Variants in MCAM observed in about 807,000 individuals in gnomAD.
The protein encoded by MCAM is melanoma cell adhesion molecule.
A neutral mutation model predicts 79.1 loss-of-function variants in MCAM; 55 were observed. The observed-to-expected ratio is 0.70, with a 90% CI of 0.56 to 0.87. MCAM has a LOEUF of 0.87. MCAM is among the 40% of genes least tolerant of loss of function. The pLI is 0.00. For missense variants in MCAM, 745 were observed against 839.8 expected (o/e 0.89, Z 1.40); for synonymous variants, 330 against 339.8 (o/e 0.97, Z 0.32).
At position 119,312,996 on chromosome 11, in the gene MCAM, C is replaced by T; in HGVS notation, c.560-47G>A. ...GAAGACTCAGCCTCAGCCCCACCTC[C>T]AGCCCCACCCTAGGGTTGTCCACTG... On this transcript the variant is annotated intron_variant, in intron 5 of 15. Coordinates refer to ENST00000264036, the MANE Select transcript of MCAM (RefSeq NM_006500.3). The surrounding 1 kb of genome is among the most constrained non-coding windows in gnomAD (Gnocchi z 4.9). 6.2e-7 allele frequency: 1 copy of T among 1,612,030 alleles called. No homozygotes were observed. Among genetic ancestry groups the T allele is most frequent in the African/African-American group, 1.3e-5 (1 of 75,048 alleles).
Position 119,312,850 on chromosome 11 carries a change from T to G in MCAM, c.659A>C (p.Gln220Pro). The change falls in exon 6 of 16, where the codon CAG (glutamine) becomes CCG (proline). Residue 220 changes from glutamine to proline, a missense_variant. Physicochemically the swap from Gln to Pro is moderately conservative, Grantham distance 76. Transcript: ENST00000264036. The surrounding 1 kb of genome is among the most constrained non-coding windows in gnomAD (Gnocchi z 4.9). ...AQLVKEDKDA[Q>P]FYCELNYRLP... ...CCGGTAGTTGAGCTCACAGTAAAAC[T>G]GGGCATCTTTGTCTTCTTTAACCAG... 1 of 1,614,250 alleles carries G rather than the reference T, an allele frequency of 6.2e-7. No homozygotes were observed. Among genetic ancestry groups the G allele is most frequent in the Non-Finnish European group, 8.5e-7 (1 of 1,180,048 alleles).
chr11:119,311,685 C>A lies in MCAM; in HGVS notation c.1286-34G>T. On this transcript the variant is annotated intron_variant, in intron 10 of 15. Transcript: ENST00000264036. The surrounding 1 kb of genome is among the most constrained non-coding windows in gnomAD (Gnocchi z 4.4). Reference sequence around the variant, plus strand: ...GGTAGGGAGAGGTGAGGTGGCAAGCCCAGCTAGCCTGCCTCCCCCTCCGCA... The same window carrying A: ...GGTAGGGAGAGGTGAGGTGGCAAGCACAGCTAGCCTGCCTCCCCCTCCGCA... The A allele has an allele frequency of 6.2e-7, 1 of 1,612,940 alleles. No homozygotes were observed.
At position 119,315,312 on chromosome 11, in the gene MCAM, G is replaced by C; in HGVS notation, c.68-49C>G. 6.4e-7 allele frequency: 1 copy of C among 1,572,384 alleles called. No individual in the cohort carries two copies. Among genetic ancestry groups the C allele is most frequent in the Non-Finnish European group, 8.6e-7 (1 of 1,163,730 alleles). On this transcript the variant is annotated intron_variant, in intron 1 of 15. Coordinates refer to ENST00000264036, the MANE Select transcript of MCAM (RefSeq NM_006500.3). This position sits in a 1 kb window ranked among gnomAD's most constrained non-coding sequence, Gnocchi z 4.4. ...CGCAGCTGTGTCAGCTCCGGCTGCT[G>C]TCCGCCCCTCCCCTCGCAGCGCTGC...
Position 119,312,361 on chromosome 11 carries a change from G to A in MCAM, c.929C>T (p.Ala310Val), listed in dbSNP as rs150221287. 5.9e-4 allele frequency: 957 copies of A among 1,614,020 alleles called. 9 individuals are homozygous for A. The African/African-American group carries it at 9.7e-3, about 16-fold the overall frequency. ...ATAGCGCCCACTGTGTTCCTTCCGG[G>A]CAGGCTCCAGCACCAGGACCCCGTT... Reference protein sequence around the residue: ...NDNGVLVLEPARKEHSGRYEC... With the variant: ...NDNGVLVLEPVRKEHSGRYEC... Residue 310 changes from alanine (A) to valine (V), a missense_variant, in exon 8 of 16, where the codon GCC becomes GTC. Physicochemically the swap from Ala to Val is moderately conservative, Grantham distance 64. Transcript: ENST00000264036. This position sits in a 1 kb window ranked among gnomAD's most constrained non-coding sequence, Gnocchi z 4.9.
In MCAM at chr11:119,316,658, G is replaced by C. The variant is rs945048417; in HGVS notation, c.67+377C>G. On this transcript the variant is annotated intron_variant, in intron 1 of 15. Transcript: ENST00000264036. This position sits in a 1 kb window ranked among gnomAD's most constrained non-coding sequence, Gnocchi z 4.8. ...CTGCCTTTTCCAGCAACAGGCGGGCGCGGAATTCAGGCTTTGAGGATGCGC... is the reference window on the plus strand; with the variant it reads ...CTGCCTTTTCCAGCAACAGGCGGGCCCGGAATTCAGGCTTTGAGGATGCGC... 1 of 191,816 alleles carries C rather than the reference G, an allele frequency of 5.2e-6. No individual in the cohort carries two copies. Among genetic ancestry groups the C allele is most frequent in the African/African-American group, 2.3e-5 (1 of 42,794 alleles). 11.9% of individuals were successfully genotyped at this position (191,816 alleles called of 1,614,324 possible). A position where few individuals can be genotyped will look rare whatever the true frequency, so the allele number is the denominator to read the frequency against.
In MCAM at chr11:119,311,871, C is replaced by A. The variant is rs550592393; in HGVS notation, c.1222G>T (p.Val408Leu). 3.1e-6 allele frequency: 5 copies of A among 1,614,128 alleles called. No homozygotes were observed. The South Asian group carries it at 4.4e-5, about 14-fold the overall frequency. ...CCGGGTATGCTGGGCACAGACGCCA[C>A]GCAGCGATAGCCGCCTCCTGCCTCC... ...KREAGGGYRCVASVPSIPGLN... is the reference protein window; with the variant it reads ...KREAGGGYRCLASVPSIPGLN... The change falls in exon 10 of 16, where the codon GTG (valine) becomes TTG (leucine). Residue 408 changes from valine to leucine, a missense_variant. Physicochemically the swap from Val to Leu is conservative, Grantham distance 32. Coordinates refer to ENST00000264036, the MANE Select transcript of MCAM (RefSeq NM_006500.3). The surrounding 1 kb of genome is among the most constrained non-coding windows in gnomAD (Gnocchi z 4.4).
intron 5 of MCAM, chr11:119,313,394 TA>T: frequency 5.6e-6 from 6 of 1,073,552 alleles, no homozygotes; most frequent in South Asian, 3.3e-5. Flanking sequence ...GCACTACTGA[TA>T]ATTTTTTTTT....
chr11:119,313,036 C>A (rs761743734), intron 5 of MCAM, 87 bp from the exon 6 acceptor site: 1 of 1,595,542 alleles, frequency 6.3e-7, no homozygotes, highest in African/African-American at 1.3e-5. Flanking sequence ...TGGCAGGGGA[C>A]CATCTAAATA....
chr11:119,312,982 C>T lies in MCAM; in HGVS notation c.560-33G>A, dbSNP rs1268173390. 4 of 1,613,160 alleles carry T rather than the reference C, an allele frequency of 2.5e-6. No homozygotes were observed. In the African/African-American group the frequency reaches 5.3e-5, roughly 22 times the overall value. ...GGGAGGAAGGGGAGGAAGACTCAGC[C>T]TCAGCCCCACCTCCAGCCCCACCCT... On this transcript the variant is annotated intron_variant, in intron 5 of 15. Coordinates refer to ENST00000264036, the MANE Select transcript of MCAM (RefSeq NM_006500.3). This position sits in a 1 kb window ranked among gnomAD's most constrained non-coding sequence, Gnocchi z 4.9.
intron 5 of MCAM, chr11:119,313,350 T>C: frequency 1.6e-6 from 2 of 1,285,150 alleles, no homozygotes; most frequent in Non-Finnish European, 2.0e-6. Context: ...TAACAATGTA[T>C]ACCATACACC....
At position 119,314,552 on chromosome 11, in the gene MCAM, C is replaced by G; in HGVS notation, c.496G>C (p.Gly166Arg). ...CAGATGACTTGAGGAATGGGGTACC[C>G]GTTCCTCCCTACACAGGTAGCGACC... The part of the protein sequence containing the change: ...EEVATCVGRN[G>R]YPIPQVIWYK... The change falls in exon 5 of 16, where the codon GGG becomes CGG. Residue 166 changes from glycine (G) to arginine (R), a missense_variant. Gly to Arg is a moderately radical substitution (Grantham distance 125). Transcript: ENST00000264036. The G allele has an allele frequency of 6.2e-7, 1 of 1,613,836 alleles. No homozygotes were observed. Among genetic ancestry groups the G allele is most frequent in the Non-Finnish European group, 8.5e-7 (1 of 1,179,978 alleles).
chr11:119,311,172 G>A lies in MCAM; in HGVS notation c.1563C>T (p.Thr521=). The A allele has an allele frequency of 6.2e-7, 1 of 1,614,186 alleles. No individual in the cohort carries two copies. The change falls in exon 13 of 16, where the codon ACC becomes ACT. Residue 521 remains threonine, a synonymous_variant. Transcript: ENST00000264036. The surrounding 1 kb of genome is among the most constrained non-coding windows in gnomAD (Gnocchi z 4.4). ...ILFLELVNLT[T]LTPDSNTTTG... is the part of the protein sequence containing the mutation. ...TGGTTGTGTTGGAGTCTGGTGTGAG[G>A]GTGGTTAAATTGACTAGGAGGCAGA...
At position 119,316,925 on chromosome 11, in the gene MCAM, C is replaced by A. The variant is rs1352725060; in HGVS notation, c.67+110G>T. 1.1e-6 allele frequency: 1 copy of A among 906,670 alleles called. No individual in the cohort carries two copies. The highest frequency in any genetic ancestry group is 1.6e-6 in the Non-Finnish European group (1 of 624,970). The allele number at this position is 906,670 out of a possible 1,614,324, so 56.2% of individuals were successfully genotyped here. A position where few individuals can be genotyped will look rare whatever the true frequency, so the allele number is the denominator to read the frequency against. On this transcript the variant is annotated intron_variant, in intron 1 of 15. Transcript: ENST00000264036. The surrounding 1 kb of genome is among the most constrained non-coding windows in gnomAD (Gnocchi z 4.8). ...GGATCGGGGACCCAGGGAGGAGGCT[C>A]GTCCTCCCAGACGCAACGCCCCGAC...
At position 119,317,110 on chromosome 11, in the gene MCAM, G is replaced by T; in HGVS notation, c.-9C>A. On this transcript the variant is annotated 5_prime_UTR_variant, in exon 1 of 16. Coordinates refer to ENST00000264036, the MANE Select transcript of MCAM (RefSeq NM_006500.3). This position sits in a 1 kb window ranked among gnomAD's most constrained non-coding sequence, Gnocchi z 6.2. Reference sequence around the variant, plus strand: ...AGCCTGGGAAGCCCCATGCTTCCCGGCCGGAGGGCGAGAGCCAAGTGAGCA... The same window carrying T: ...AGCCTGGGAAGCCCCATGCTTCCCGTCCGGAGGGCGAGAGCCAAGTGAGCA... 1 of 1,522,502 alleles carries T rather than the reference G, an allele frequency of 6.6e-7. No individual in the cohort carries two copies. The allele number at this position is 1,522,502 out of a possible 1,614,324, so 94.3% of individuals were successfully genotyped here.
chr11:119,308,815 A>G lies in MCAM; in HGVS notation c.*1071T>C, dbSNP rs1384385844. On this transcript the variant is annotated 3_prime_UTR_variant, in exon 16 of 16. Coordinates refer to ENST00000264036, the MANE Select transcript of MCAM (RefSeq NM_006500.3). ...ATAACCATAGCTTTAATCCCCATGA[A>G]GGACAGTGTAGACCTCATCTTTGTC... The G allele has an allele frequency of 6.6e-6, 1 of 152,028 alleles. No individual in the cohort carries two copies. Among genetic ancestry groups the G allele is most frequent in the Non-Finnish European group, 1.5e-5 (1 of 68,020 alleles). 9.4% of individuals were successfully genotyped at this position (152,028 alleles called of 1,614,324 possible).
At position 119,311,745 on chromosome 11, in the gene MCAM, C is replaced by CA. The variant is rs1275554899; in HGVS notation, c.1285+62dup. The CA allele has an allele frequency of 6.8e-6, 11 of 1,607,248 alleles. No homozygotes were observed. In the East Asian group the frequency reaches 2.5e-4, roughly 36 times the overall value. On this transcript the variant is annotated intron_variant, in intron 10 of 15. Coordinates refer to ENST00000264036, the MANE Select transcript of MCAM (RefSeq NM_006500.3). This position sits in a 1 kb window ranked among gnomAD's most constrained non-coding sequence, Gnocchi z 4.4. ...CCCAGGGCAGCAGGTGGCTTTTTGTCAAAGAGCTTAAAAACCACCCCACTT... is the reference window on the plus strand; with the variant it reads ...CCCAGGGCAGCAGGTGGCTTTTTGTCAAAAGAGCTTAAAAACCACCCCACTT...
chr11:119,309,917 TA>T lies in MCAM; in HGVS notation c.1912-3del. Reference sequence around the variant, plus strand: ...CCTCAGATCGATGTATTTCTCTCCCTAAAAGTGGGTAGAGGAGAAGAGGGGA... The same window carrying T: ...CCTCAGATCGATGTATTTCTCTCCCTAAAGTGGGTAGAGGAGAAGAGGGGA... On this transcript the variant is annotated splice_polypyrimidine_tract_variant and splice_region_variant and intron_variant, in intron 15 of 15. Coordinates refer to ENST00000264036, the MANE Select transcript of MCAM (RefSeq NM_006500.3). The T allele has an allele frequency of 6.2e-7, 1 of 1,600,062 alleles. No homozygotes were observed. The highest frequency in any genetic ancestry group is 8.5e-7 in the Non-Finnish European group (1 of 1,173,142).
chr11:119,315,046 G>A lies in MCAM; in HGVS notation c.193-6C>T, dbSNP rs187844912. ...GTCCGCTTCTCCTTGTGGACCTAATGGGAGGAGACACAGAGGAGGAGAAGG... is the reference window on the plus strand; with the variant it reads ...GTCCGCTTCTCCTTGTGGACCTAATAGGAGGAGACACAGAGGAGGAGAAGG... On this transcript the variant is annotated splice_region_variant and splice_polypyrimidine_tract_variant and intron_variant, in intron 2 of 15. Coordinates refer to ENST00000264036, the MANE Select transcript of MCAM (RefSeq NM_006500.3). This position sits in a 1 kb window ranked among gnomAD's most constrained non-coding sequence, Gnocchi z 4.4. The A allele has an allele frequency of 6.2e-7, 1 of 1,608,684 alleles. No individual in the cohort carries two copies. The highest frequency in any genetic ancestry group is 2.2e-5 in the East Asian group (1 of 44,860).
chr11:119,316,642 C>T lies in MCAM; in HGVS notation c.67+393G>A, dbSNP rs1007440561. On this transcript the variant is annotated intron_variant, in intron 1 of 15. Transcript: ENST00000264036. The surrounding 1 kb of genome is among the most constrained non-coding windows in gnomAD (Gnocchi z 4.8). Reference sequence around the variant, plus strand: ...CCTCCAGCGAAGGAAGCTGCCTTTTCCAGCAACAGGCGGGCGCGGAATTCA... The same window carrying T: ...CCTCCAGCGAAGGAAGCTGCCTTTTTCAGCAACAGGCGGGCGCGGAATTCA... 1.7e-5 allele frequency: 3 copies of T among 177,798 alleles called. No individual in the cohort carries two copies. The highest frequency in any genetic ancestry group is 7.1e-5 in the African/African-American group (3 of 42,232). 11.0% of individuals were successfully genotyped at this position (177,798 alleles called of 1,614,324 possible).
Sources: gnomAD v4.1 joint callset for allele counts on GRCh38, gnomAD v4.1.1 for gene constraint, Gnocchi (gnomAD v3.1) non-coding constraint, MANE v1.5 for transcripts, NCBI Gene and HGNC (gene_info 2026-07-23, HGNC 2026-07-21) for gene names.